ANO4: variants seen among roughly 807,000 people sequenced by gnomAD.
The protein encoded by ANO4 is anoctamin 4.
Under a neutral mutation model 141.9 loss-of-function variants are expected in ANO4, and 69 were observed. The observed-to-expected ratio is 0.49, with a 90% CI of 0.40 to 0.59. The LOEUF is 0.59. Among genes scored for constraint, ANO4 ranks in the 20% least tolerant of loss-of-function variants. The pLI, the probability that ANO4 is intolerant of heterozygous loss-of-function variation, is 0.00. For missense variants in ANO4, 894 were observed against 1,162.2 expected (o/e 0.77, Z 3.36); for synonymous variants, 350 against 394.3 (o/e 0.89, Z 1.33).
At chr12:101,118,995 G>T (rs1299831837) in intron 25 of ANO4, among the ~76,000 whole-genome samples, 1 of 151,222 alleles carries the variant, frequency 6.6e-6, no homozygotes, top group Non-Finnish European at 1.5e-5. Flanking sequence ...GAGATAGTTT[G>T]CTGAGAATGA....
intron 14 of ANO4, among the ~76,000 whole-genome samples, chr12:101,063,985 A>G (rs1373297747): frequency 2.0e-5 from 3 of 151,490 alleles, no homozygotes; most frequent in Non-Finnish European, 4.4e-5. Context: ...TTTGGTTTTA[A>G]TGATGTTTTT....
chr12:100,726,346 C>T (rs1388085023), intron 1 of ANO4, among the ~76,000 whole-genome samples: 1 of 152,260 alleles, frequency 6.6e-6, no homozygotes, highest in Non-Finnish European at 1.5e-5. Context: ...TTCTCAGCCT[C>T]AGTCTATGAA....
Position 100,988,489 on chromosome 12 carries a change from AG to A in ANO4, c.734+820del, listed in dbSNP as rs202169055. On this transcript the variant is annotated intron_variant, in intron 8 of 27. Transcript: ENST00000392977. ...TTCCAGGCCCTCTTGCTCCAGCAGT[AG>A]TGACAGCCTCCATAAAAATGACTTA... Among the ~76,000 whole-genome samples the A allele has an allele frequency of 8.2e-3, 1,241 of 151,434 alleles. 49 individuals are homozygous for A. The highest frequency in any genetic ancestry group is 0.066 in the Admixed American group (1,005 of 15,152).
At chr12:100,874,153 C>T (rs1243056688) in intron 1 of ANO4, among the ~76,000 whole-genome samples, 1 of 152,232 alleles carries the variant, frequency 6.6e-6, no homozygotes, top group African/African-American at 2.4e-5. Context: ...GATGTCCAGC[C>T]AGCAGTCTGC....
At chr12:100,818,198 T>C (rs762565831) in intron 1 of ANO4, among the ~76,000 whole-genome samples, 1 of 151,930 alleles carries the variant, frequency 6.6e-6, no homozygotes, top group Admixed American at 6.6e-5. Context: ...ATAATAAGTA[T>C]GAATGACATA....
chr12:101,052,156 T>C (rs2047899485), intron 14 of ANO4, among the ~76,000 whole-genome samples: 1 of 152,180 alleles, frequency 6.6e-6, no homozygotes, highest in Non-Finnish European at 1.5e-5. Context: ...GTAACCAGTT[T>C]GTAGCAACTG....
intron 10 of ANO4, among the ~76,000 whole-genome samples, chr12:101,039,271 G>A (rs962466983): frequency 3.9e-5 from 6 of 152,112 alleles, no homozygotes; most frequent in Non-Finnish European, 5.9e-5. Context: ...TTGGGAGGCC[G>A]AGGGGGACAG....
At position 101,120,643 on chromosome 12, in the gene ANO4, A is replaced by G; in HGVS notation, c.2676+18A>G. 1 of 1,589,932 alleles carries G rather than the reference A, an allele frequency of 6.3e-7. No homozygotes were observed. Among genetic ancestry groups the G allele is most frequent in the South Asian group, 1.1e-5 (1 of 90,500 alleles). On this transcript the variant is annotated intron_variant, in intron 26 of 27. Transcript: ENST00000392977. Reference sequence around the variant, plus strand: ...TCTTTGAGGTAAGTTTCCTCAGCCAAATTCTTTATTTCCTTTGACATAATG... The same window carrying G: ...TCTTTGAGGTAAGTTTCCTCAGCCAGATTCTTTATTTCCTTTGACATAATG...
chr12:101,001,879 G>C (rs756321753), intron 8 of ANO4, among the ~76,000 whole-genome samples: 1 of 152,164 alleles, frequency 6.6e-6, no homozygotes. Flanking sequence ...CCACGTCTTA[G>C]AAATGTCTTT....
At chr12:101,055,497 G>C (rs866019780) in intron 14 of ANO4, among the ~76,000 whole-genome samples, 37 of 152,178 alleles carry the variant, frequency 2.4e-4, no homozygotes, top group African/African-American at 8.4e-4. Context: ...TGTTTGCTCA[G>C]ATCATTTGTC....
chr12:100,885,102 TTC>T (rs766432504), intron 1 of ANO4, among the ~76,000 whole-genome samples: 1 of 152,172 alleles, frequency 6.6e-6, no homozygotes, highest in Non-Finnish European at 1.5e-5. Flanking sequence ...CCACCAAAGG[TTC>T]TCTGTTTTTG....
chr12:100,895,793 C>T (rs1384695265), intron 1 of ANO4, among the ~76,000 whole-genome samples: 4 of 152,018 alleles, frequency 2.6e-5, no homozygotes, highest in Non-Finnish European at 5.9e-5. Flanking sequence ...AACTCCTGAC[C>T]TCAGATGATC....
At chr12:101,097,587 T>G in intron 19 of ANO4, 64 bp from the exon 20 acceptor site, 1 of 1,466,662 alleles carries the variant, frequency 6.8e-7, no homozygotes, top group Non-Finnish European at 9.5e-7. Flanking sequence ...CTAAACTAAA[T>G]GTAATATTCG....
chr12:100,821,911 A>G (rs1249415572), intron 1 of ANO4, among the ~76,000 whole-genome samples: 2 of 151,976 alleles, frequency 1.3e-5, no homozygotes. Flanking sequence ...TTAAATTTTG[A>G]TGGATATTCT....
intron 1 of ANO4, among the ~76,000 whole-genome samples, chr12:100,730,640 G>T (rs1372534840): frequency 6.6e-6 from 1 of 152,058 alleles, no homozygotes; most frequent in Non-Finnish European, 1.5e-5. Flanking sequence ...ATAACATGTG[G>T]GTCTTCCCTG....
chr12:100,776,974 A>C (rs1158239710), intron 3 of ANO4, among the ~76,000 whole-genome samples: 4 of 152,180 alleles, frequency 2.6e-5, no homozygotes, highest in African/African-American at 9.7e-5. Flanking sequence ...ATGGGTATTC[A>C]GTCCAGTTTT....
At chr12:100,987,697 C>A (rs1477327834) in intron 8 of ANO4, 27 bp downstream of exon 8, 1 of 1,611,680 alleles carries the variant, frequency 6.2e-7, no homozygotes, top group Non-Finnish European at 8.5e-7. Context: ...AAAGCCCCAT[C>A]TCACTAAGGA....
chr12:101,021,001 G>A (rs980658258), intron 9 of ANO4, among the ~76,000 whole-genome samples: 1 of 152,196 alleles, frequency 6.6e-6, no homozygotes, highest in African/African-American at 2.4e-5. Context: ...TTGGAGTAAT[G>A]GAGGGTTGGC....
rs200523920 is a variant in ANO4, at chr12:101,097,113, G to C, written c.1850+466G>C. On this transcript the variant is annotated intron_variant, in intron 19 of 27. Coordinates refer to ENST00000392977, the MANE Select transcript of ANO4 (RefSeq NM_001286615.2). ...TAAATCCAGCAGTTATGAGGATTTG[G>C]GAAAGATTCCCTGGGTAGTGGTAAT... 1.9e-4 allele frequency among the ~76,000 whole-genome samples: 29 copies of C among 152,174 alleles called. 1 individual carries two copies. The East Asian group carries it at 4.1e-3, about 21-fold the overall frequency.
Sources: allele counts gnomAD v4.1 joint callset (sites outside exome capture counted in the v4.1 genomes callset), GRCh38; gene constraint gnomAD v4.1.1; transcripts MANE v1.5; gene names NCBI Gene and HGNC (gene_info 2026-07-23, HGNC 2026-07-21).